The following GSE1 variants were observed in gnomAD, a reference collection of about 807,000 sequenced individuals.
The protein encoded by GSE1 is Gse1 coiled-coil protein, also known as genetic suppressor element 1.
A neutral mutation model predicts 112.6 loss-of-function variants in GSE1; 32 were observed. The observed-to-expected ratio is 0.28, with a 90% CI of 0.21 to 0.38. GSE1 has a LOEUF of 0.38. Among genes scored for constraint, GSE1 ranks in the 10% least tolerant of loss-of-function variants. GSE1 has a pLI of 1.00. For synonymous variants in GSE1, 1,115 were observed against 735.6 expected (o/e 1.52, Z -8.35); for missense variants, 2,348 against 1,699.2 (o/e 1.38, Z -6.71).
At chr16:85,399,480 T>C (rs763071119) in intron 2 of GSE1, among the ~76,000 whole-genome samples, 4 of 152,238 alleles carry the variant, frequency 2.6e-5, no homozygotes, top group Non-Finnish European at 5.9e-5. Flanking sequence ...GAAGAGAACG[T>C]TGCTGATGCG....
At chr16:85,451,468 G>C (rs11642812) in intron 2 of GSE1, among the ~76,000 whole-genome samples, 2 of 93,926 alleles carry the variant, frequency 2.1e-5, no homozygotes, top group African/African-American at 3.9e-5. Flanking sequence ...TGGTGCGTGC[G>C]CTGGTGGTGG....
At chr16:85,399,844 T>G (rs903826084) in intron 2 of GSE1, among the ~76,000 whole-genome samples, 7 of 152,220 alleles carry the variant, frequency 4.6e-5, no homozygotes, top group African/African-American at 1.7e-4. Context: ...GAGTGCGGGC[T>G]GCGGTTATCA....
intron 2 of GSE1, among the ~76,000 whole-genome samples, chr16:85,426,199 C>CTGGA (rs146456524): frequency 0.74 from 102,233 of 137,674 alleles, 38,242 homozygotes; most frequent in Admixed American, 0.82. Context: ...AGATGGATGG[C>CTGGA]TGGATGGATG....
intron 1 of GSE1, among the ~76,000 whole-genome samples, chr16:85,320,558 G>A (rs1435277559): frequency 6.6e-6 from 1 of 152,164 alleles, no homozygotes; most frequent in Non-Finnish European, 1.5e-5. Context: ...GCCTCCCAAA[G>A]TGCTGGGATT....
intron 1 of GSE1, among the ~76,000 whole-genome samples, chr16:85,254,898 G>A (rs1016315125): frequency 6.6e-6 from 1 of 152,236 alleles, no homozygotes; most frequent in Non-Finnish European, 1.5e-5. Flanking sequence ...AGTGCTGGAG[G>A]TGGAGGGGCA....
chr16:85,181,721 T>C (rs1224915155), intron 1 of GSE1, among the ~76,000 whole-genome samples: 1 of 152,034 alleles, frequency 6.6e-6, no homozygotes, highest in Admixed American at 6.5e-5. Flanking sequence ...AAAAGTGGCG[T>C]GGGGCCTCCA....
At chr16:85,554,956 C>G (rs1424000784), upstream of GSE1, 1 of 985,218 alleles carries the variant, frequency 1.0e-6, no homozygotes, top group Non-Finnish European at 1.2e-6. Flanking sequence ...TTTGGAGAGG[C>G]GAGCCCGGCT....
At chr16:85,383,762 A>T (rs1000450955) in intron 2 of GSE1, among the ~76,000 whole-genome samples, 5 of 152,148 alleles carry the variant, frequency 3.3e-5, no homozygotes, top group African/African-American at 1.2e-4. Flanking sequence ...TGGCAGGGTT[A>T]AGAGGGGTCT....
chr16:85,590,200 G>A (rs571495364), intron 1 of GSE1, among the ~76,000 whole-genome samples: 227 of 152,272 alleles, frequency 1.5e-3, no homozygotes, highest in African/African-American at 5.3e-3. Context: ...ATGAATGTGT[G>A]TGATTGTGTG....
intron 2 of GSE1, among the ~76,000 whole-genome samples, chr16:85,404,792 C>CT (rs2048234872): frequency 2.6e-5 from 1 of 37,770 alleles, no homozygotes; most frequent in East Asian, 9.2e-4. Context: ...ACACTCAGGG[C>CT]CCCCCTGGAT....
At chr16:85,231,822 A>G (rs1904289385) in intron 1 of GSE1, among the ~76,000 whole-genome samples, 1 of 152,238 alleles carries the variant, frequency 6.6e-6, no homozygotes, top group Non-Finnish European at 1.5e-5. Context: ...TCTCAGCCTA[A>G]AATGATGCCT....
chr16:85,313,329 T>C (rs937204459), intron 1 of GSE1, among the ~76,000 whole-genome samples: 3 of 152,118 alleles, frequency 2.0e-5, no homozygotes, highest in African/African-American at 7.2e-5. Flanking sequence ...TCGAGACACC[T>C]GGCTTGACCT....
At chr16:85,175,903 G>A (rs997841464) in intron 1 of GSE1, among the ~76,000 whole-genome samples, 1 of 152,210 alleles carries the variant, frequency 6.6e-6, no homozygotes, top group Non-Finnish European at 1.5e-5. Context: ...AGGTCACTCA[G>A]CTAGTAACCC....
At chr16:85,635,336 A>C (rs530854752) in intron 2 of GSE1, among the ~76,000 whole-genome samples, 1 of 152,100 alleles carries the variant, frequency 6.6e-6, no homozygotes, top group Non-Finnish European at 1.5e-5. Context: ...CTGGCAAACC[A>C]GGCACAGGCA....
chr16:85,385,535 G>A (rs143168264), intron 2 of GSE1, among the ~76,000 whole-genome samples: 4 of 152,282 alleles, frequency 2.6e-5, no homozygotes, highest in East Asian at 1.9e-4. Context: ...GAAGCCAAGC[G>A]GAGTTTGTGG....
At chr16:85,231,959 C>A (rs73257939) in intron 1 of GSE1, among the ~76,000 whole-genome samples, 212 of 152,338 alleles carry the variant, frequency 1.4e-3, no homozygotes, top group African/African-American at 4.9e-3. Context: ...TCTTTTCTGA[C>A]CGCCATGAAT....
chr16:85,575,533 A>G (rs2046195690), intron 1 of GSE1, among the ~76,000 whole-genome samples: 1 of 151,656 alleles, frequency 6.6e-6, no homozygotes, highest in Admixed American at 6.6e-5. Flanking sequence ...TTCACATTTT[A>G]TTTTTATTTT....
chr16:85,190,540 G>T (rs746886575), intron 1 of GSE1, among the ~76,000 whole-genome samples: 6 of 152,202 alleles, frequency 3.9e-5, no homozygotes, highest in Non-Finnish European at 8.8e-5. Flanking sequence ...AGTGTCTGTT[G>T]AGAATCACAA....
At chr16:85,335,560 A>G (rs929198409) in intron 1 of GSE1, among the ~76,000 whole-genome samples, 3 of 152,148 alleles carry the variant, frequency 2.0e-5, no homozygotes, top group African/African-American at 7.2e-5. Context: ...GTGAGGGAGT[A>G]CATGGCCCAG....
Sources: allele counts gnomAD v4.1 joint callset (sites outside exome capture counted in the v4.1 genomes callset), GRCh38; gene constraint gnomAD v4.1.1; transcripts MANE v1.5; gene names NCBI Gene and HGNC (gene_info 2026-07-23, HGNC 2026-07-21).